Variants in RABGAP1L observed in about 807,000 individuals in gnomAD.
RABGAP1L encodes RAB GTPase activating protein 1 like.
A neutral mutation model predicts 137.7 loss-of-function variants in RABGAP1L; 63 were observed. The ratio of observed to expected loss-of-function variants is 0.46; its 90% CI spans 0.37 to 0.56. The LOEUF is 0.56. RABGAP1L is among the 20% of genes least tolerant of loss of function. RABGAP1L has a pLI of 0.00. For synonymous variants in RABGAP1L, 431 were observed against 433.7 expected (o/e 0.99, Z 0.08); for missense variants, 1,095 against 1,244.0 (o/e 0.88, Z 1.80).
At chr1:174,844,945 C>A (rs1267396488) in intron 19 of RABGAP1L, among the ~76,000 whole-genome samples, 1 of 129,892 alleles carries the variant, frequency 7.7e-6, no homozygotes, top group African/African-American at 2.8e-5. Flanking sequence ...CTTCACATCC[C>A]TTGTAAGTTG....
At chr1:174,647,421 G>A (rs1465244677) in intron 14 of RABGAP1L, among the ~76,000 whole-genome samples, 4 of 152,060 alleles carry the variant, frequency 2.6e-5, no homozygotes, top group Non-Finnish European at 5.9e-5. Flanking sequence ...GCATGAAGGA[G>A]TGTTGAATTT....
At chr1:174,589,430 G>A (rs564457305) in intron 13 of RABGAP1L, among the ~76,000 whole-genome samples, 22 of 152,062 alleles carry the variant, frequency 1.4e-4, no homozygotes, top group Non-Finnish European at 3.1e-4. Flanking sequence ...CATTTCCTTT[G>A]CTGTGAAGAA....
At chr1:174,767,038 T>TTGGTTGAA (rs1685722847) in intron 18 of RABGAP1L, among the ~76,000 whole-genome samples, 1 of 152,220 alleles carries the variant, frequency 6.6e-6, no homozygotes, top group Non-Finnish European at 1.5e-5. Flanking sequence ...TAAGAAAATC[T>TTGGTTGAA]TTGAATCTAC....
intron 1 of RABGAP1L, among the ~76,000 whole-genome samples, chr1:174,173,349 C>G (rs1187984817): frequency 1.3e-5 from 2 of 152,074 alleles, no homozygotes; most frequent in African/African-American, 2.4e-5. Flanking sequence ...AGGCTGGTCT[C>G]AAACTCCCAA....
intron 18 of RABGAP1L, among the ~76,000 whole-genome samples, chr1:174,784,349 T>G (rs1687293882): frequency 6.6e-6 from 1 of 152,102 alleles, no homozygotes; most frequent in South Asian, 2.1e-4. Flanking sequence ...TGGATAACTA[T>G]AGATTTACCT....
intron 15 of RABGAP1L, among the ~76,000 whole-genome samples, chr1:174,696,638 T>C (rs1363712051): frequency 1.3e-5 from 2 of 152,228 alleles, no homozygotes; most frequent in East Asian, 3.9e-4. Flanking sequence ...CTGTGTTGTG[T>C]TCTGCTGTGA....
At chr1:174,666,264 A>G (rs1276859170) in intron 14 of RABGAP1L, among the ~76,000 whole-genome samples, 6 of 152,238 alleles carry the variant, frequency 3.9e-5, no homozygotes, top group African/African-American at 1.4e-4. Flanking sequence ...TCATGTTGGT[A>G]GAAGTTCTTT....
At chr1:174,692,267 A>G (rs978805799) in intron 15 of RABGAP1L, among the ~76,000 whole-genome samples, 2 of 152,184 alleles carry the variant, frequency 1.3e-5, no homozygotes, top group Admixed American at 6.5e-5. Context: ...GGGGTACAAC[A>G]TTAAAGTGGT....
chr1:174,675,235 G>A (rs1424103863), intron 14 of RABGAP1L, among the ~76,000 whole-genome samples: 2 of 152,022 alleles, frequency 1.3e-5, no homozygotes, highest in South Asian at 2.1e-4. Context: ...TAACATTTAA[G>A]TCTTTAATCC....
intron 12 of RABGAP1L, among the ~76,000 whole-genome samples, chr1:174,392,576 TTAC>T (rs1647285752): frequency 6.6e-6 from 1 of 152,226 alleles, no homozygotes; most frequent in Non-Finnish European, 1.5e-5. Context: ...ATCTGATGGT[TTAC>T]TAAAATTATT....
At chr1:174,177,604 A>G (rs1423661572) in intron 1 of RABGAP1L, among the ~76,000 whole-genome samples, 1 of 152,148 alleles carries the variant, frequency 6.6e-6, no homozygotes, top group Non-Finnish European at 1.5e-5. Flanking sequence ...TAGGGTTATT[A>G]TGATTTTGGG....
chr1:174,601,213 C>T (rs1225208478), intron 13 of RABGAP1L, among the ~76,000 whole-genome samples: 2 of 152,222 alleles, frequency 1.3e-5, no homozygotes, highest in Non-Finnish European at 1.5e-5. Context: ...ACAGGTAACC[C>T]TGGGCCCAGC....
At chr1:174,587,625 T>C (rs1378410144) in intron 13 of RABGAP1L, among the ~76,000 whole-genome samples, 2 of 151,970 alleles carry the variant, frequency 1.3e-5, no homozygotes, top group African/African-American at 4.8e-5. Context: ...AAAATGCAAT[T>C]AAAAGAATAA....
chr1:174,935,043 G>A (rs546466553), intron 19 of RABGAP1L: 1 of 152,160 alleles, frequency 6.6e-6, no homozygotes. Flanking sequence ...GATTAGCCAG[G>A]TAGTATGTTA....
At chr1:174,605,301 A>G (rs1366295005) in intron 13 of RABGAP1L, among the ~76,000 whole-genome samples, 2 of 152,180 alleles carry the variant, frequency 1.3e-5, no homozygotes, top group East Asian at 1.9e-4. Flanking sequence ...ATCTTTGACT[A>G]AGTGTCTCAA....
At chr1:174,500,498 T>C (rs111473851) in intron 13 of RABGAP1L, among the ~76,000 whole-genome samples, 6 of 152,320 alleles carry the variant, frequency 3.9e-5, no homozygotes, top group African/African-American at 1.4e-4. Flanking sequence ...GACCCTGTTA[T>C]GCACTGGGTA....
At chr1:174,433,780 G>C (rs1652919480) in intron 13 of RABGAP1L, among the ~76,000 whole-genome samples, 1 of 152,068 alleles carries the variant, frequency 6.6e-6, no homozygotes, top group South Asian at 2.1e-4. Flanking sequence ...AAGGATTCTG[G>C]TATGTTTCTT....
intron 11 of RABGAP1L, among the ~76,000 whole-genome samples, chr1:174,333,038 C>T (rs182107714): frequency 6.6e-6 from 1 of 152,272 alleles, no homozygotes; most frequent in Non-Finnish European, 1.5e-5. Context: ...GCCTGGAGGG[C>T]ATTATGCAAA....
chr1:174,310,547 T>A (rs1678730558), intron 11 of RABGAP1L, among the ~76,000 whole-genome samples: 1 of 152,202 alleles, frequency 6.6e-6, no homozygotes, highest in South Asian at 2.1e-4. Flanking sequence ...TGTTGAAATC[T>A]CTTACTGTTT....
Sources: gnomAD v4.1 joint callset for allele counts (sites outside exome capture counted in the v4.1 genomes callset) on GRCh38, gnomAD v4.1.1 for gene constraint, MANE v1.5 for transcripts, NCBI Gene and HGNC (gene_info 2026-07-23, HGNC 2026-07-21) for gene names.